Variants in CDKN2A observed in about 807,000 individuals in gnomAD.
CDKN2A encodes cyclin-dependent kinase inhibitor 2A.
Under a neutral mutation model 11.1 loss-of-function variants are expected in CDKN2A, and 3 were observed. The ratio of observed to expected loss-of-function variants is 0.27; its 90% CI spans 0.12 to 0.70. The LOEUF (loss-of-function observed/expected upper bound fraction) is 0.70. Ranked by LOEUF, CDKN2A falls within the 30% of genes least tolerant of loss-of-function variation. The pLI, the probability that CDKN2A is intolerant of heterozygous loss-of-function variation, is 0.77. For missense variants in CDKN2A, 265 were observed against 233.6 expected (o/e 1.13, Z -0.88); for synonymous variants, 122 against 108.1 (o/e 1.13, Z -0.80).
At position 21,968,283 on chromosome 9, in the gene CDKN2A, G is replaced by A. The variant is rs2131079887; in HGVS notation, c.458-41C>T. 1.9e-6 allele frequency: 3 copies of A among 1,610,886 alleles called. No homozygotes were observed. The highest frequency in any genetic ancestry group is 2.5e-6 in the Non-Finnish European group (3 of 1,177,270). ...AGAAAACAGGCGTTAGAAACCTGAG[G>A]TCAAAGATGTGTGGCACATCCCGCC... On this transcript the variant is annotated intron_variant, in intron 2 of 2. Coordinates refer to ENST00000304494, the MANE Select transcript of CDKN2A (RefSeq NM_000077.5). This position sits in a 1 kb window ranked among gnomAD's most constrained non-coding sequence, Gnocchi z 4.7.
Position 21,991,849 on chromosome 9 carries a change from AT to A in CDKN2A, c.-4+2032del, listed in dbSNP as rs1335002675. On this transcript the variant is annotated intron_variant, in intron 2 of 3. Transcript: ENST00000494262. This position sits in a 1 kb window ranked among gnomAD's most constrained non-coding sequence, Gnocchi z 5.2. ...AATACAAACTGTGAATCATGTACAC[AT>A]GGGGAATAATGGTTTATACTAACTG... is the stretch of plus-strand genomic sequence containing the variant. The A allele has an allele frequency of 1.0e-6, 1 of 985,146 alleles. No individual in the cohort carries two copies. Among genetic ancestry groups the A allele is most frequent in the Admixed American group, 6.1e-5 (1 of 16,266 alleles). 61.0% of individuals were successfully genotyped at this position (985,146 alleles called of 1,614,324 possible).
chr9:21,978,104 C>T (rs147982547), upstream of CDKN2A, among the ~76,000 whole-genome samples: 20 of 121,116 alleles, frequency 1.7e-4, no homozygotes, highest in Admixed American at 2.4e-3. Context: ...AGTCCATTAT[C>T]CATTATAAAT....
chr9:21,975,118 C>A, upstream of CDKN2A: 5 of 1,248,934 alleles, frequency 4.0e-6, no homozygotes, highest in Non-Finnish European at 5.0e-6. Flanking sequence ...GGGGCACCAG[C>A]CGGAAGCAGC....
rs1819497526 is a variant in CDKN2A at position 21,968,130 on chromosome 9, A to G, written c.*99T>C. On this transcript the variant is annotated 3_prime_UTR_variant, in exon 3 of 3. Coordinates refer to ENST00000304494, the MANE Select transcript of CDKN2A (RefSeq NM_000077.5). This position sits in a 1 kb window ranked among gnomAD's most constrained non-coding sequence, Gnocchi z 4.7. ...CTATTTTCTAAATGAAAACTACGAA[A>G]GCGGGGTGGGTTGTGGCGGGGGCAG... The G allele has an allele frequency of 9.8e-7, 1 of 1,023,796 alleles. No homozygotes were observed. Among genetic ancestry groups the G allele is most frequent in the Non-Finnish European group, 1.6e-6 (1 of 641,586 alleles). 63.4% of individuals were successfully genotyped at this position (1,023,796 alleles called of 1,614,324 possible). A position where few individuals can be genotyped will look rare whatever the true frequency, so the allele number is the denominator to read the frequency against.
chr9:21,992,435 C>T (rs1482399175), intron 2 of CDKN2A: 3 of 984,052 alleles, frequency 3.0e-6, no homozygotes, highest in Non-Finnish European at 3.6e-6. Context: ...TGAGAAACTT[C>T]CTGAAGATTG....
At chr9:21,982,030 C>A (rs1235727676) in intron 2 of CDKN2A, among the ~76,000 whole-genome samples, 1 of 152,120 alleles carries the variant, frequency 6.6e-6, no homozygotes, top group Non-Finnish European at 1.5e-5. Flanking sequence ...TAATTAAATT[C>A]AATATAGCAC....
rs1462262627 is a variant in CDKN2A at position 21,968,213 on chromosome 9, A to G, written c.*16T>C. 1.2e-6 allele frequency: 2 copies of G among 1,613,478 alleles called. No homozygotes were observed. The highest frequency in any genetic ancestry group is 2.2e-5 in the South Asian group (2 of 91,060). On this transcript the variant is annotated 3_prime_UTR_variant, in exon 3 of 3. Transcript: ENST00000304494. This position sits in a 1 kb window ranked among gnomAD's most constrained non-coding sequence, Gnocchi z 4.7. Reference sequence around the variant, plus strand: ...ATCTAAGTTTCCCGAGGTTTCTCAGAGCCTCTCTGGTTCTTTCAATCGGGG... The same window carrying G: ...ATCTAAGTTTCCCGAGGTTTCTCAGGGCCTCTCTGGTTCTTTCAATCGGGG...
At chr9:21,981,408 G>T (rs1820195580) in intron 2 of CDKN2A, among the ~76,000 whole-genome samples, 2 of 151,746 alleles carry the variant, frequency 1.3e-5, no homozygotes, top group African/African-American at 4.8e-5. Context: ...TAGCTTATGA[G>T]AGCGAGATAT....
rs1277289325 is a variant in CDKN2A at position 21,967,986 on chromosome 9, A to C, written c.*243T>G. The stretch of plus-strand genomic sequence containing the variant: ...AACTCCAACACAGTGAAAAGGCAGA[A>C]GCGGTGTTTTTCTTTTTTACATTTT... On this transcript the variant is annotated 3_prime_UTR_variant, in exon 3 of 3. Transcript: ENST00000304494. 3 of 537,260 alleles carry C rather than the reference A, an allele frequency of 5.6e-6. No individual in the cohort carries two copies. The highest frequency in any genetic ancestry group is 9.9e-6 in the Non-Finnish European group (3 of 302,924). The allele number at this position is 537,260 out of a possible 1,614,324, so 33.3% of individuals were successfully genotyped here. A position where few individuals can be genotyped will look rare whatever the true frequency, so the allele number is the denominator to read the frequency against.
chr9:21,988,924 C>G lies in CDKN2A; in HGVS notation c.-4+4958G>C, dbSNP rs1013343993. Among the ~76,000 whole-genome samples, 1 of 152,202 alleles carries G rather than the reference C, an allele frequency of 6.6e-6. No homozygotes were observed. The highest frequency in any genetic ancestry group is 1.5e-5 in the Non-Finnish European group (1 of 68,032). ...TTAGATGGAAACGTTCTTTGGTCCACCAAGCCCTATCGTTCTGCTCTTTGG... is the reference window on the plus strand; with the variant it reads ...TTAGATGGAAACGTTCTTTGGTCCAGCAAGCCCTATCGTTCTGCTCTTTGG... On this transcript the variant is annotated intron_variant, in intron 2 of 3. Coordinates refer to the CDKN2A transcript ENST00000494262. This position sits in a 1 kb window ranked among gnomAD's most constrained non-coding sequence, Gnocchi z 4.1.
At chr9:21,970,812 T>C in intron 2 of CDKN2A, 90 bp downstream of exon 2, 1 of 1,497,590 alleles carries the variant, frequency 6.7e-7, no homozygotes, top group Non-Finnish European at 9.1e-7. Context: ...CGGAGACTGG[T>C]CTCCCGGGCT....
Position 21,974,710 on chromosome 9 carries a change from C to A in CDKN2A, c.118G>T (p.Ala40Ser), listed in dbSNP as rs1554656295. ...ALLEAGALPN[A>S]PNSYGRRPIQ... ...GGCCTCCGACCGTAACTATTCGGTGCGTTGGGCAGCGCCCCCGCCTCCAGC... is the reference window on the plus strand; with the variant it reads ...GGCCTCCGACCGTAACTATTCGGTGAGTTGGGCAGCGCCCCCGCCTCCAGC... Residue 40 changes from alanine to serine, a missense_variant, in exon 1 of 3, where the codon GCA (alanine) becomes TCA (serine). Coordinates refer to ENST00000304494, the MANE Select transcript of CDKN2A (RefSeq NM_000077.5). The surrounding 1 kb of genome is among the most constrained non-coding windows in gnomAD (Gnocchi z 5.2). 7 of 1,612,166 alleles carry A rather than the reference C, an allele frequency of 4.3e-6. No individual in the cohort carries two copies. Among genetic ancestry groups the A allele is most frequent in the Non-Finnish European group, 5.9e-6 (7 of 1,179,820 alleles).
chr9:21,971,575 A>ATTTTTTTTTTTTTTTTTTTTTTTTTT lies in CDKN2A; in HGVS notation c.151-368_151-367insAAAAAAAAAAAAAAAAAAAAAAAAAA, dbSNP rs59981968. 3.3e-3 allele frequency among the ~76,000 whole-genome samples: 364 copies of ATTTTTTTTTTTTTTTTTTTTTTTTTT among 111,256 alleles called. 19 individuals carry two copies. The highest frequency in any genetic ancestry group is 6.5e-3 in the African/African-American group (148 of 22,874). 73.0% of individuals were successfully genotyped at this position (111,256 alleles called of 152,430 possible). Reference sequence around the variant, plus strand: ...TCCTGAAATTATGTTAGGCCTGGAGATTTTTTTTTTTTTTTTTGTTCACTG... The same window carrying ATTTTTTTTTTTTTTTTTTTTTTTTTT: ...TCCTGAAATTATGTTAGGCCTGGAGATTTTTTTTTTTTTTTTTTTTTTTTTTTTTTTTTTTTTTTTTTTGTTCACTG... On this transcript the variant is annotated intron_variant, in intron 1 of 2. Transcript: ENST00000304494.
rs1064795989 is a variant in CDKN2A at position 21,994,356 on chromosome 9, C to A, written c.-175-303G>T. 3.7e-6 allele frequency: 6 copies of A among 1,606,566 alleles called. No homozygotes were observed. The highest frequency in any genetic ancestry group is 2.7e-5 in the African/African-American group (2 of 74,860). On this transcript the variant is annotated intron_variant, in intron 1 of 3. Transcript: ENST00000494262. ...TGTTCTCGCCGCCTCCAGGGCCGAG[C>A]TCGGCAGCCGCTGCGCCGCCCTTTG...
At chr9:21,972,256 T>C (rs1819801681) in intron 1 of CDKN2A, among the ~76,000 whole-genome samples, 1 of 151,834 alleles carries the variant, frequency 6.6e-6, no homozygotes, top group African/African-American at 2.4e-5. Context: ...CCACCCCCAA[T>C]GTCTATGTCC....
rs72547295 is a variant in CDKN2A, at chr9:21,991,852, G to A, written c.-4+2030C>T. 1 of 985,126 alleles carries A rather than the reference G, an allele frequency of 1.0e-6. No individual in the cohort carries two copies. 61.0% of individuals were successfully genotyped at this position (985,126 alleles called of 1,614,324 possible). On this transcript the variant is annotated intron_variant, in intron 2 of 3. Transcript: ENST00000494262. The surrounding 1 kb of genome is among the most constrained non-coding windows in gnomAD (Gnocchi z 5.2). ...ACAAACTGTGAATCATGTACACATG[G>A]GGAATAATGGTTTATACTAACTGCA...
rs1264476029 is a variant in CDKN2A, at chr9:21,988,682, C to A, written c.-4+5200G>T. On this transcript the variant is annotated intron_variant, in intron 2 of 3. Coordinates refer to the CDKN2A transcript ENST00000494262. This position sits in a 1 kb window ranked among gnomAD's most constrained non-coding sequence, Gnocchi z 4.1. ...TCACTACTTGAGTGACAGATTCAGT[C>A]GTACTCGAAACCTCAGCATGGTGCA... 6.6e-6 allele frequency among the ~76,000 whole-genome samples: 1 copy of A among 152,058 alleles called. No individual in the cohort carries two copies. Among genetic ancestry groups the A allele is most frequent in the African/African-American group, 2.4e-5 (1 of 41,408 alleles).
chr9:21,976,486 C>G (rs1295846550), upstream of CDKN2A, among the ~76,000 whole-genome samples: 1 of 152,014 alleles, frequency 6.6e-6, no homozygotes, highest in African/African-American at 2.4e-5. Context: ...GAGGCCGAGA[C>G]AGGCGGATCA....
intron 2 of CDKN2A, among the ~76,000 whole-genome samples, chr9:21,983,310 A>G (rs1431320934): frequency 7.9e-5 from 12 of 152,084 alleles, no homozygotes; most frequent in Non-Finnish European, 1.8e-4. Flanking sequence ...CAAAGCAATA[A>G]TTATTAACAT....
Sources: allele counts gnomAD v4.1 joint callset (sites outside exome capture counted in the v4.1 genomes callset), GRCh38; gene constraint gnomAD v4.1.1; non-coding constraint Gnocchi (gnomAD v3.1); transcripts MANE v1.5; gene names NCBI Gene and HGNC (gene_info 2026-07-23, HGNC 2026-07-21).